MAML2: variants seen among roughly 807,000 people sequenced by gnomAD.
MAML2 encodes the protein mastermind-like protein 2.
MAML2 carries 22 observed loss-of-function variants against 96.1 expected under a neutral mutation model. That is an observed-to-expected ratio of 0.23 (90% CI 0.16 to 0.33). The LOEUF (loss-of-function observed/expected upper bound fraction) is 0.33. Ranked by LOEUF, MAML2 falls within the 10% of genes least tolerant of loss-of-function variation. The pLI, the probability that MAML2 is intolerant of heterozygous loss-of-function variation, is 1.00. For missense variants in MAML2, 1,367 were observed against 1,392.4 expected (o/e 0.98, Z 0.29); for synonymous variants, 561 against 521.3 (o/e 1.08, Z -1.04).
At chr11:96,256,368 C>A (rs1312830744) in intron 1 of MAML2, among the ~76,000 whole-genome samples, 1 of 152,160 alleles carries the variant, frequency 6.6e-6, no homozygotes, top group East Asian at 1.9e-4. Context: ...TGCAGCACAT[C>A]AGTGGCCACG....
At chr11:96,332,042 G>T (rs1346275267) in intron 1 of MAML2, among the ~76,000 whole-genome samples, 1 of 152,184 alleles carries the variant, frequency 6.6e-6, no homozygotes, top group African/African-American at 2.4e-5. Context: ...TGTGGGTGCA[G>T]AATTTGGGAG....
chr11:96,130,938 A>G (rs980501162), intron 1 of MAML2, among the ~76,000 whole-genome samples: 4 of 152,340 alleles, frequency 2.6e-5, no homozygotes, highest in Non-Finnish European at 4.4e-5. Context: ...TGCCTACCAT[A>G]CTAGGCATGG....
At chr11:96,294,224 T>A (rs1863254742) in intron 1 of MAML2, among the ~76,000 whole-genome samples, 1 of 152,126 alleles carries the variant, frequency 6.6e-6, no homozygotes, top group Non-Finnish European at 1.5e-5. Flanking sequence ...TTGCAAACAA[T>A]GCTGGCTCCA....
chr11:96,276,405 C>A (rs1327892186), intron 1 of MAML2, among the ~76,000 whole-genome samples: 8 of 152,162 alleles, frequency 5.3e-5, no homozygotes, highest in African/African-American at 1.7e-4. Context: ...TTATCCTTGT[C>A]AGTGCCCAAC....
intron 2 of MAML2, among the ~76,000 whole-genome samples, chr11:96,087,127 T>C (rs1250125975): frequency 6.6e-6 from 1 of 152,188 alleles, no homozygotes; most frequent in Non-Finnish European, 1.5e-5. Context: ...AAACGGTTGA[T>C]TATAGCTACC....
chr11:96,144,124 A>G (rs1008070753), intron 1 of MAML2, among the ~76,000 whole-genome samples: 1 of 152,194 alleles, frequency 6.6e-6, no homozygotes, highest in African/African-American at 2.4e-5. Context: ...TGGGCTTTTT[A>G]TTCAGAGCTG....
chr11:96,045,898 TTC>T (rs2135760920), intron 2 of MAML2, among the ~76,000 whole-genome samples: 1 of 131,056 alleles, frequency 7.6e-6, no homozygotes, highest in Non-Finnish European at 1.6e-5. Context: ...GTCAGCACAC[TTC>T]TGTTTTTTTT....
intron 1 of MAML2, among the ~76,000 whole-genome samples, chr11:96,337,991 T>C (rs1008452633): frequency 1.3e-5 from 2 of 152,238 alleles, no homozygotes; most frequent in Admixed American, 1.3e-4. Flanking sequence ...GCTCCTTGTC[T>C]GATCTACTTT....
At chr11:95,980,454 A>T (rs751447678) in intron 4 of MAML2, among the ~76,000 whole-genome samples, 6 of 152,076 alleles carry the variant, frequency 3.9e-5, no homozygotes, top group Non-Finnish European at 8.8e-5. Flanking sequence ...TCTTTGAATC[A>T]TCCCCATTCA....
intron 1 of MAML2, among the ~76,000 whole-genome samples, chr11:96,297,152 G>A (rs1863315027): frequency 6.6e-6 from 1 of 152,146 alleles, no homozygotes; most frequent in Non-Finnish European, 1.5e-5. Context: ...TGATGATGGG[G>A]AGACAGAGGA....
chr11:96,189,434 C>T (rs1227604337), intron 1 of MAML2, among the ~76,000 whole-genome samples: 2 of 152,178 alleles, frequency 1.3e-5, no homozygotes, highest in African/African-American at 4.8e-5. Flanking sequence ...GCTTTGAATT[C>T]TCCATTTGAA....
chr11:96,306,121 A>T (rs1485062920), intron 1 of MAML2, among the ~76,000 whole-genome samples: 1 of 152,182 alleles, frequency 6.6e-6, no homozygotes, highest in Admixed American at 6.5e-5. Context: ...CTCAATAAAC[A>T]TATATTCTGA....
rs547185235 is a variant in MAML2, at chr11:95,995,133, G to A, written c.2140-3410C>T. 1.8e-3 allele frequency among the ~76,000 whole-genome samples: 272 copies of A among 152,308 alleles called. 3 individuals are homozygous for A. Among genetic ancestry groups the A allele is most frequent in the Middle Eastern group, 6.8e-3 (2 of 294 alleles). ...CACATAGGAACAATAGTCTGTTTAC[G>A]TTTGTTTTCATTGTGAAACAAAGGA... On this transcript the variant is annotated intron_variant, in intron 2 of 4. Transcript: ENST00000524717.
At chr11:96,318,345 T>A (rs1353052500) in intron 1 of MAML2, among the ~76,000 whole-genome samples, 2 of 152,140 alleles carry the variant, frequency 1.3e-5, no homozygotes, top group Non-Finnish European at 2.9e-5. Context: ...ATGACTAAAA[T>A]CCGATATGAT....
At chr11:96,013,589 C>A (rs1348619891) in intron 2 of MAML2, among the ~76,000 whole-genome samples, 2 of 152,184 alleles carry the variant, frequency 1.3e-5, no homozygotes, top group Non-Finnish European at 2.9e-5. Flanking sequence ...ACAACCCCAT[C>A]CTGGGCCTAT....
intron 1 of MAML2, among the ~76,000 whole-genome samples, chr11:96,161,154 G>T (rs997277713): frequency 1.3e-5 from 2 of 152,204 alleles, no homozygotes; most frequent in Admixed American, 6.5e-5. Flanking sequence ...AGAGTGGGAA[G>T]TGTCCCTGAG....
At chr11:96,171,706 G>C (rs1294848207) in intron 1 of MAML2, among the ~76,000 whole-genome samples, 2 of 152,368 alleles carry the variant, frequency 1.3e-5, no homozygotes, top group Non-Finnish European at 2.9e-5. Flanking sequence ...ATCAGAGCTG[G>C]AGACAGGGTG....
chr11:96,078,325 C>T (rs1313613456), intron 2 of MAML2, among the ~76,000 whole-genome samples: 1 of 152,180 alleles, frequency 6.6e-6, no homozygotes, highest in Non-Finnish European at 1.5e-5. Context: ...ATGGATAGTA[C>T]ACTGTGTTAT....
At chr11:96,222,082 G>C (rs1213761013) in intron 1 of MAML2, among the ~76,000 whole-genome samples, 1 of 152,110 alleles carries the variant, frequency 6.6e-6, no homozygotes, top group Non-Finnish European at 1.5e-5. Flanking sequence ...ACGAGAAAAT[G>C]TTTCCAGGTA....
Sources: allele counts gnomAD v4.1 joint callset (sites outside exome capture counted in the v4.1 genomes callset), GRCh38; gene constraint gnomAD v4.1.1; transcripts MANE v1.5; gene names NCBI Gene and HGNC (gene_info 2026-07-23, HGNC 2026-07-21).